ANKRD12: variants seen among roughly 807,000 people sequenced by gnomAD.
The protein encoded by ANKRD12 is ankyrin repeat domain 12.
A neutral mutation model predicts 183.4 loss-of-function variants in ANKRD12; 85 were observed. That is an observed-to-expected ratio of 0.46 (90% confidence interval 0.39 to 0.56). The LOEUF (loss-of-function observed/expected upper bound fraction) is 0.56, where lower values mean the gene tolerates loss of function less well. Among genes scored for constraint, ANKRD12 ranks in the 20% least tolerant of loss-of-function variants. The pLI is 0.00. For synonymous variants in ANKRD12, 914 were observed against 800.2 expected (o/e 1.14, Z -2.40); for missense variants, 2,405 against 2,357.1 (o/e 1.02, Z -0.42).
intron 1 of ANKRD12, among the ~76,000 whole-genome samples, chr18:9,158,358 G>C (rs1168343422): frequency 6.6e-6 from 1 of 152,138 alleles, no homozygotes; most frequent in Non-Finnish European, 1.5e-5. Context: ...TCCCATCCAG[G>C]ATACCGCATT....
intron 1 of ANKRD12, among the ~76,000 whole-genome samples, chr18:9,176,728 A>G (rs1414855941): frequency 6.6e-6 from 1 of 152,238 alleles, no homozygotes; most frequent in Non-Finnish European, 1.5e-5. Flanking sequence ...AATAGCAACT[A>G]GAATGTTTTG....
Position 9,266,548 on chromosome 18 carries a change from T to C in ANKRD12, c.5763+2660T>C, listed in dbSNP as rs542017585. On this transcript the variant is annotated intron_variant, in intron 10 of 12. Coordinates refer to ENST00000262126, the MANE Select transcript of ANKRD12 (RefSeq NM_015208.5). ...ATAAGTGAAGGAGAAATAAAATACT[T>C]TACAGACAAGCAAATGCTGAGAGAT... Among the ~76,000 whole-genome samples, 13 of 152,202 alleles carry C rather than the reference T, an allele frequency of 8.5e-5. No individual in the cohort carries two copies. The South Asian group carries it at 2.7e-3, about 32-fold the overall frequency.
rs185378185 is a variant in ANKRD12, at chr18:9,274,149, G to A, written c.5764-1375G>A. 3.3e-4 allele frequency among the ~76,000 whole-genome samples: 51 copies of A among 152,356 alleles called. No individual in the cohort carries two copies. The East Asian group carries it at 9.3e-3, about 28-fold the overall frequency. On this transcript the variant is annotated intron_variant, in intron 10 of 12. Transcript: ENST00000262126. ...TCAGGAGAGCATCTTTCCCATGGGA[G>A]TTTTATCTCTGGCTTTCAGGTAGAA...
At chr18:9,246,953 C>A (rs1426700363) in intron 8 of ANKRD12, among the ~76,000 whole-genome samples, 3 of 149,336 alleles carry the variant, frequency 2.0e-5, no homozygotes, top group African/African-American at 7.5e-5. Context: ...CTACACCAGG[C>A]TGATTGTTAC....
intron 1 of ANKRD12, among the ~76,000 whole-genome samples, chr18:9,169,449 C>T (rs2032453006): frequency 6.6e-6 from 1 of 152,108 alleles, no homozygotes; most frequent in African/African-American, 2.4e-5. Context: ...TTGAATTGAT[C>T]GCTTTACCAT....
At chr18:9,157,018 A>G (rs1403115109) in intron 1 of ANKRD12, among the ~76,000 whole-genome samples, 1 of 152,226 alleles carries the variant, frequency 6.6e-6, no homozygotes, top group Non-Finnish European at 1.5e-5. Context: ...TTTCAGTTAC[A>G]GAAGATGATC....
chr18:9,270,693 C>G (rs2039553659), intron 10 of ANKRD12, among the ~76,000 whole-genome samples: 1 of 152,132 alleles, frequency 6.6e-6, no homozygotes, highest in Non-Finnish European at 1.5e-5. Flanking sequence ...GTGCAGCACA[C>G]CAGCATGGCA....
At chr18:9,196,108 AAC>A (rs36156556) in intron 3 of ANKRD12, among the ~76,000 whole-genome samples, 1,570 of 64,118 alleles carry the variant, frequency 0.024, 44 homozygotes, top group East Asian at 0.07. Flanking sequence ...GAAACATGCA[AAC>A]ACACACACAC....
rs1028312881 is a variant in ANKRD12, at chr18:9,264,364, T to G, written c.5763+476T>G. Among the ~76,000 whole-genome samples, 4 of 152,352 alleles carry G rather than the reference T, an allele frequency of 2.6e-5. No homozygotes were observed. The South Asian group carries it at 8.3e-4, about 32-fold the overall frequency. The stretch of plus-strand genomic sequence containing the variant: ...TCGGGTTATTTATAGGAATTATAAG[T>G]CATTTCACTTGGATTTACAAAAATA... On this transcript the variant is annotated intron_variant, in intron 10 of 12. Coordinates refer to ENST00000262126, the MANE Select transcript of ANKRD12 (RefSeq NM_015208.5).
chr18:9,221,242 G>A (rs374531010), intron 7 of ANKRD12, among the ~76,000 whole-genome samples: 27 of 152,218 alleles, frequency 1.8e-4, no homozygotes, highest in African/African-American at 6.0e-4. Flanking sequence ...TGAAGCTTAC[G>A]TAATTCGTTA....
chr18:9,157,604 T>TATATATATGTA (rs1491418837), intron 1 of ANKRD12, among the ~76,000 whole-genome samples: 11 of 45,930 alleles, frequency 2.4e-4, no homozygotes, highest in Non-Finnish European at 4.0e-4. Flanking sequence ...TATATATGTA[T>TATATATATGTA]TTTTTTTTTT....
At chr18:9,271,606 C>G (rs1015042635) in intron 10 of ANKRD12, among the ~76,000 whole-genome samples, 4 of 152,138 alleles carry the variant, frequency 2.6e-5, no homozygotes, top group Non-Finnish European at 5.9e-5. Flanking sequence ...AATCCTCCTG[C>G]CTTAGCCTCC....
intron 8 of ANKRD12, among the ~76,000 whole-genome samples, chr18:9,240,479 A>G (rs2037598761): frequency 6.6e-6 from 1 of 152,182 alleles, no homozygotes; most frequent in Admixed American, 6.5e-5. Context: ...GAAATGGAGA[A>G]GTGGGTAACT....
chr18:9,197,684 A>G (rs1458866634), intron 3 of ANKRD12, among the ~76,000 whole-genome samples: 1 of 152,230 alleles, frequency 6.6e-6, no homozygotes, highest in East Asian at 1.9e-4. Flanking sequence ...AGAAAATCAT[A>G]AAGAACAGAA....
At chr18:9,237,898 C>T (rs2037438926) in intron 8 of ANKRD12, among the ~76,000 whole-genome samples, 1 of 152,088 alleles carries the variant, frequency 6.6e-6, no homozygotes, top group African/African-American at 2.4e-5. Context: ...TCAACAAAAT[C>T]TTCTCCTGCC....
intron 10 of ANKRD12, among the ~76,000 whole-genome samples, chr18:9,269,346 A>G (rs2039474602): frequency 1.3e-5 from 2 of 152,348 alleles, no homozygotes; most frequent in East Asian, 1.9e-4. Context: ...AGCTGGAGGC[A>G]TCACACTACC....
At chr18:9,173,622 G>GT (rs71168042) in intron 1 of ANKRD12, among the ~76,000 whole-genome samples, 68,056 of 128,972 alleles carry the variant, frequency 0.53, 18,771 homozygotes, top group South Asian at 0.72. Flanking sequence ...GTGGTGGGGG[G>GT]GGGGTAGGGG....
intron 10 of ANKRD12, among the ~76,000 whole-genome samples, chr18:9,268,859 A>T (rs1330705837): frequency 6.6e-6 from 1 of 152,216 alleles, no homozygotes; most frequent in Non-Finnish European, 1.5e-5. Flanking sequence ...ACATGATTGT[A>T]TATCTAGAAA....
intron 1 of ANKRD12, among the ~76,000 whole-genome samples, chr18:9,176,962 G>T (rs2033320581): frequency 2.0e-5 from 3 of 152,136 alleles, no homozygotes; most frequent in Admixed American, 2.0e-4. Context: ...GAAGTCAGTT[G>T]CTGTTCGATA....
Sources: allele counts gnomAD v4.1 joint callset (sites outside exome capture counted in the v4.1 genomes callset), GRCh38; gene constraint gnomAD v4.1.1; transcripts MANE v1.5; gene names NCBI Gene and HGNC (gene_info 2026-07-23, HGNC 2026-07-21).